The following IFI16 variants were observed in gnomAD, a reference collection of about 807,000 sequenced individuals.
IFI16 encodes the protein gamma-interferon-inducible protein 16.
In IFI16, 49 loss-of-function variants were observed where a neutral mutation model predicts 68.4. The ratio of observed to expected loss-of-function variants is 0.72; its 90% confidence interval spans 0.57 to 0.91. The LOEUF (loss-of-function observed/expected upper bound fraction) is 0.91, where lower values mean the gene tolerates loss of function less well. Among genes scored for constraint, IFI16 ranks in the 40% least tolerant of loss-of-function variants. The pLI is 0.00. For synonymous variants in IFI16, 307 were observed against 315.0 expected, an observed-to-expected ratio of 0.97 and a Z score of 0.27; for missense variants, 878 against 942.9, an observed-to-expected ratio of 0.93 and a Z score of 0.90.
intron 1 of IFI16, among the ~76,000 whole-genome samples, chr1:159,013,895 AAGG>A (rs950112602): frequency 6.6e-6 from 1 of 152,212 alleles, no homozygotes; most frequent in African/African-American, 2.4e-5. Flanking sequence ...GGGGAAGAAA[AAGG>A]AGAAATATTG....
At chr1:159,049,640 T>C (rs1571894893) in intron 9 of IFI16, 41 bp downstream of exon 9, 2 of 1,611,394 alleles carry the variant, frequency 1.2e-6, no homozygotes, top group Middle Eastern at 3.3e-4. Context: ...CTCGCTACTA[T>C]ATAATGACAA....
At chr1:159,047,809 G>T (rs1408043712) in intron 8 of IFI16, among the ~76,000 whole-genome samples, 1 of 150,060 alleles carries the variant, frequency 6.7e-6, no homozygotes, top group Non-Finnish European at 1.5e-5. Context: ...TTCAAAGCCG[G>T]AAACAGACTA....
chr1:159,016,128 A>T (rs2101814808), intron 3 of IFI16, 141 bp downstream of exon 3: 2 of 633,100 alleles, frequency 3.2e-6, no homozygotes, highest in East Asian at 5.5e-5. Context: ...ATGATAATTG[A>T]TCATCTTATT....
At chr1:159,016,804 C>G in intron 4 of IFI16, 104 bp downstream of exon 4, 1 of 1,011,670 alleles carries the variant, frequency 9.9e-7, no homozygotes, top group Non-Finnish European at 1.5e-6. Context: ...GCTAGTTAAT[C>G]CAATGTACAT....
At position 159,032,708 on chromosome 1, in the gene IFI16, C is replaced by A. The variant is rs1340779309; in HGVS notation, c.1329+17C>A. ...TTCACCAAGGTACAATTTCCTGGGT[C>A]CCATGCCTCATGTCTCCCCACCATA... is the stretch of plus-strand genomic sequence containing the variant. On this transcript the variant is annotated intron_variant, in intron 7 of 11. Transcript: ENST00000295809. The A allele has an allele frequency of 6.3e-5, 98 of 1,562,756 alleles. No homozygotes were observed. Among genetic ancestry groups the A allele is most frequent in the Non-Finnish European group, 8.1e-5 (94 of 1,157,652 alleles).
At chr1:159,028,757 C>A (rs1653816794) in intron 6 of IFI16, among the ~76,000 whole-genome samples, 1 of 104,316 alleles carries the variant, frequency 9.6e-6, no homozygotes, top group Non-Finnish European at 1.8e-5. Context: ...ATGTAATGTC[C>A]CTTTTTGTCT....
rs780898012 is a variant in IFI16 at position 159,009,994 on chromosome 1, T to C, written c.-188T>C. The C allele has an allele frequency of 1.3e-5, 2 of 152,210 alleles. No homozygotes were observed. The highest frequency in any genetic ancestry group is 1.9e-4 in the East Asian group (1 of 5,204). 9.4% of individuals were successfully genotyped at this position (152,210 alleles called of 1,614,324 possible). ...CAACCAAGGCCTTTTTTCCTTGTTA[T>C]CTTTGCAGATACTTCATTTTCTTAG... is the stretch of plus-strand genomic sequence containing the variant. On this transcript the variant is annotated 5_prime_UTR_variant, in exon 1 of 12. Transcript: ENST00000295809.
In IFI16 at chr1:159,030,359, G is replaced by A. The variant is rs193020174; in HGVS notation, c.1162-2165G>A. Among the ~76,000 whole-genome samples, 518 of 152,264 alleles carry A rather than the reference G, an allele frequency of 3.4e-3. 1 individual carries two copies. Among genetic ancestry groups the A allele is most frequent in the African/African-American group, 0.011 (456 of 41,542 alleles). ...TAAGGTAGTGTGATCTTTTGGGGCT[G>A]TTAAAGAACCTTGTTTTGACATATT... On this transcript the variant is annotated intron_variant, in intron 6 of 11. Transcript: ENST00000295809.
At chr1:159,001,794 A>G (rs1284837846), upstream of IFI16, among the ~76,000 whole-genome samples, 2 of 152,238 alleles carry the variant, frequency 1.3e-5, no homozygotes, top group African/African-American at 4.8e-5. Context: ...TAAAATTTAC[A>G]TTTTACTCCA....
intron 7 of IFI16, among the ~76,000 whole-genome samples, chr1:159,035,875 T>C (rs1253670596): frequency 6.6e-6 from 1 of 152,190 alleles, no homozygotes; most frequent in Non-Finnish European, 1.5e-5. Flanking sequence ...ATTTAAAATA[T>C]TATTCAACCA....
At chr1:159,034,318 C>A (rs1654184659) in intron 7 of IFI16, among the ~76,000 whole-genome samples, 1 of 151,918 alleles carries the variant, frequency 6.6e-6, no homozygotes. Flanking sequence ...TCATTGAGAC[C>A]CTACTAGTCT....
intron 6 of IFI16, among the ~76,000 whole-genome samples, chr1:159,029,150 A>G (rs1370642692): frequency 2.0e-5 from 3 of 152,120 alleles, no homozygotes; most frequent in African/African-American, 7.2e-5. Flanking sequence ...TCATTTCAAG[A>G]TTTAGAGCTC....
intron 6 of IFI16, among the ~76,000 whole-genome samples, chr1:159,023,371 A>G (rs1653458778): frequency 6.6e-6 from 1 of 152,178 alleles, no homozygotes; most frequent in African/African-American, 2.4e-5. Flanking sequence ...CTAATTGCTT[A>G]GCTTTCTCTT....
chr1:159,043,517 C>T (rs906017264), intron 7 of IFI16, among the ~76,000 whole-genome samples: 5 of 152,176 alleles, frequency 3.3e-5, no homozygotes, highest in African/African-American at 1.2e-4. Context: ...TCACAGGAGG[C>T]CTGCAAAAAT....
intron 6 of IFI16, among the ~76,000 whole-genome samples, chr1:159,027,210 A>G (rs1184131035): frequency 6.6e-6 from 1 of 152,096 alleles, no homozygotes; most frequent in Non-Finnish European, 1.5e-5. Flanking sequence ...TTCTATGCCA[A>G]TATTGCTGAG....
chr1:159,016,036 T>G, intron 3 of IFI16, 49 bp downstream of exon 3: 8 of 1,196,480 alleles, frequency 6.7e-6, no homozygotes, highest in Non-Finnish European at 9.9e-6. Context: ...GAGGAAGCTC[T>G]GCTACGGCTC....
At chr1:159,016,063 C>T (rs1327779858) in intron 3 of IFI16, 76 bp downstream of exon 3, 26 of 870,530 alleles carry the variant, frequency 3.0e-5, no homozygotes, top group Middle Eastern at 2.6e-4. Context: ...TCAATCTCTC[C>T]AGCAGGCAGT....
chr1:159,029,586 A>C (rs2101863355), intron 6 of IFI16, among the ~76,000 whole-genome samples: 1 of 152,174 alleles, frequency 6.6e-6, no homozygotes, highest in Non-Finnish European at 1.5e-5. Context: ...TATGTTTTTC[A>C]AACCTTTAGA....
At chr1:159,013,878 G>C (rs1177504044) in intron 1 of IFI16, among the ~76,000 whole-genome samples, 1 of 152,176 alleles carries the variant, frequency 6.6e-6, no homozygotes, top group Non-Finnish European at 1.5e-5. Context: ...AGGAAGCAAG[G>C]AATTTTGGGG....
Sources: allele counts gnomAD v4.1 joint callset (sites outside exome capture counted in the v4.1 genomes callset), GRCh38; gene constraint gnomAD v4.1.1; transcripts MANE v1.5; gene names NCBI Gene and HGNC (gene_info 2026-07-23, HGNC 2026-07-21).